NIBAN3: variants seen among roughly 807,000 people sequenced by gnomAD.
NIBAN3 encodes protein Niban 3.
Under a neutral mutation model 76.4 loss-of-function variants are expected in NIBAN3, and 66 were observed. The ratio of observed to expected loss-of-function variants is 0.86; its 90% CI spans 0.71 to 1.06. The LOEUF (loss-of-function observed/expected upper bound fraction) is 1.06. Among genes scored for constraint, NIBAN3 ranks in the 50% least tolerant of loss-of-function variants. NIBAN3 has a pLI of 0.00. For synonymous variants in NIBAN3, 360 were observed against 355.2 expected (o/e 1.01, Z -0.15); for missense variants, 808 against 810.7 (o/e 1.00, Z 0.04).
At chr19:17,545,938 C>G (rs931027540) in intron 12 of NIBAN3, 1 of 439,736 alleles carries the variant, frequency 2.3e-6, no homozygotes, top group Non-Finnish European at 4.6e-6. Flanking sequence ...ACTCCCTTTC[C>G]CGGTCTGCTA....
At chr19:17,538,415 T>TAAA (rs74658358) in intron 5 of NIBAN3, among the ~76,000 whole-genome samples, 5 of 115,126 alleles carry the variant, frequency 4.3e-5, no homozygotes, top group African/African-American at 6.6e-5. Flanking sequence ...GACTCTGTCT[T>TAAA]AAAAAAAAAA....
upstream of NIBAN3, chr19:17,527,192 ACG>A (rs2075619136): frequency 2.6e-6 from 4 of 1,537,214 alleles, no homozygotes; most frequent in East Asian, 7.4e-5. Flanking sequence ...AGTGGGGAGG[ACG>A]CAGGTGCAGC....
At chr19:17,549,036 G>A (rs1317174121) in intron 13 of NIBAN3, among the ~76,000 whole-genome samples, 1 of 152,048 alleles carries the variant, frequency 6.6e-6, no homozygotes, top group Non-Finnish European at 1.5e-5. Context: ...GGATGTGTCT[G>A]TGAGCATCTA....
intron 9 of NIBAN3, among the ~76,000 whole-genome samples, chr19:17,540,920 A>C (rs1162087188): frequency 6.6e-6 from 1 of 152,088 alleles, no homozygotes; most frequent in Non-Finnish European, 1.5e-5. Flanking sequence ...TTTTTTGTAG[A>C]GATGGGGGTC....
chr19:17,541,230 TATACATACATACATACATACATAC>T (rs56986888), intron 9 of NIBAN3, among the ~76,000 whole-genome samples: 1 of 149,984 alleles, frequency 6.7e-6, no homozygotes, highest in Non-Finnish European at 1.5e-5. Flanking sequence ...TACATACATA[TATACATACATACATACATACATAC>T]ATACATACAT....
chr19:17,554,593 C>T (rs985791697), downstream of NIBAN3, among the ~76,000 whole-genome samples: 18 of 150,984 alleles, frequency 1.2e-4, no homozygotes, highest in Non-Finnish European at 7.4e-5. Flanking sequence ...ACCAGCCTGG[C>T]CAATATGGTG....
At chr19:17,539,920 T>TG (rs1297799295) in intron 8 of NIBAN3, among the ~76,000 whole-genome samples, 155 bp downstream of exon 8, 5 of 30,678 alleles carry the variant, frequency 1.6e-4, no homozygotes, top group South Asian at 1.1e-3. Context: ...AGGGAACGGG[T>TG]GGGGAAGGGG....
At chr19:17,526,227 C>A (rs1477408162), upstream of NIBAN3, among the ~76,000 whole-genome samples, 9 of 151,674 alleles carry the variant, frequency 5.9e-5, no homozygotes, top group Non-Finnish European at 4.4e-5. Flanking sequence ...GCTGGAGAAT[C>A]ACTTGAACCC....
chr19:17,553,706 C>T, downstream of NIBAN3: 9 of 740,590 alleles, frequency 1.2e-5, no homozygotes, highest in Non-Finnish European at 2.0e-5. Context: ...GGAACAATTG[C>T]AGCTACAAGA....
downstream of NIBAN3, among the ~76,000 whole-genome samples, chr19:17,554,056 A>G (rs2076194342): frequency 6.6e-6 from 1 of 151,952 alleles, no homozygotes; most frequent in Non-Finnish European, 1.5e-5. Flanking sequence ...TGTTTTTAGA[A>G]GAGATGGGGG....
At chr19:17,551,303 C>A (rs2076151787) in intron 14 of NIBAN3, among the ~76,000 whole-genome samples, 1 of 151,576 alleles carries the variant, frequency 6.6e-6, no homozygotes, top group Non-Finnish European at 1.5e-5. Context: ...CCATGTCGGC[C>A]AGGCTGATTT....
rs1198208973 is a variant in NIBAN3 at position 17,552,877 on chromosome 19, T to C, written c.*979T>C. On this transcript the variant is annotated 3_prime_UTR_variant, in exon 15 of 15. Transcript: ENST00000599164. ...GAGCCAAGGAGTTTTGAGGCCAGCT[T>C]GGGCAATGTGGTGAAACCTGTCTCT... is the stretch of plus-strand genomic sequence containing the variant. The C allele has an allele frequency of 1.3e-5, 2 of 151,832 alleles. No homozygotes were observed. Among genetic ancestry groups the C allele is most frequent in the African/African-American group, 4.8e-5 (2 of 41,398 alleles). 9.4% of individuals were successfully genotyped at this position (151,832 alleles called of 1,614,324 possible).
chr19:17,534,475 G>T (rs2075787845), intron 4 of NIBAN3, among the ~76,000 whole-genome samples: 1 of 151,924 alleles, frequency 6.6e-6, no homozygotes, highest in African/African-American at 2.4e-5. Flanking sequence ...GACCAATATG[G>T]TGAAACCCTG....
chr19:17,527,756 C>A (rs1369925020), intron 1 of NIBAN3, among the ~76,000 whole-genome samples: 2 of 151,698 alleles, frequency 1.3e-5, no homozygotes, highest in African/African-American at 2.4e-5. Context: ...GACAGGGTGT[C>A]CCTATGTTGG....
chr19:17,537,820 C>A (rs1478115554), intron 5 of NIBAN3, among the ~76,000 whole-genome samples: 1 of 152,080 alleles, frequency 6.6e-6, no homozygotes, highest in East Asian at 1.9e-4. Context: ...GTGGAAGGCA[C>A]CTGTAATCCC....
At position 17,546,678 on chromosome 19, in the gene NIBAN3, G is replaced by T; in HGVS notation, c.1555-8G>T. On this transcript the variant is annotated splice_polypyrimidine_tract_variant and splice_region_variant and intron_variant, in intron 12 of 14. Coordinates refer to ENST00000599164, the MANE Select transcript of NIBAN3 (RefSeq NM_001321827.2). ...TCCATCCGAGCCCCTAACCCGCCAT[G>T]GTTCCAGGAGCTGCCTGAGTTCGAG... 1 of 1,550,880 alleles carries T rather than the reference G, an allele frequency of 6.4e-7. No individual in the cohort carries two copies. Among genetic ancestry groups the T allele is most frequent in the South Asian group, 1.2e-5 (1 of 81,604 alleles).
rs988204549 is a variant in NIBAN3, at chr19:17,542,776, G to T, written c.1329+482G>T. Among the ~76,000 whole-genome samples, 14 of 152,108 alleles carry T rather than the reference G, an allele frequency of 9.2e-5. No individual in the cohort carries two copies. On this transcript the variant is annotated intron_variant, in intron 10 of 14. Transcript: ENST00000599164. This position sits in a 1 kb window ranked among gnomAD's most constrained non-coding sequence, Gnocchi z 4.8. ...GAGCAGGTATGTGAGCAGGGGGAGG[G>T]CATGGCTGGATTTAAGGTTTAGGAA...
intron 12 of NIBAN3, chr19:17,546,432 G>A: frequency 2.4e-6 from 1 of 424,456 alleles, no homozygotes; most frequent in Non-Finnish European, 3.3e-6. Context: ...GGTCAGGCTG[G>A]TCTTGAACTC....
chr19:17,523,991 C>A (rs1469018543), upstream of NIBAN3, among the ~76,000 whole-genome samples: 1 of 151,626 alleles, frequency 6.6e-6, no homozygotes, highest in Non-Finnish European at 1.5e-5. Context: ...CGGGTTCACA[C>A]AATTCTCCTG....
Sources: allele counts gnomAD v4.1 joint callset (sites outside exome capture counted in the v4.1 genomes callset), GRCh38; gene constraint gnomAD v4.1.1; non-coding constraint Gnocchi (gnomAD v3.1); transcripts MANE v1.5; gene names NCBI Gene and HGNC (gene_info 2026-07-23, HGNC 2026-07-21).